The following MORN1 variants were observed in gnomAD, a reference collection of about 807,000 sequenced individuals.
MORN1 encodes MORN repeat containing 1, also known as MORN repeat-containing protein 1.
MORN1 carries 67 observed loss-of-function variants against 61.9 expected under a neutral mutation model. The ratio of observed to expected loss-of-function variants is 1.08; its 90% confidence interval spans 0.89 to 1.33. MORN1 has a LOEUF of 1.33. Among genes scored for constraint, MORN1 ranks in the 40% most tolerant of loss-of-function variants. MORN1 has a pLI of 0.00. For missense variants in MORN1, 752 were observed against 691.2 expected, an observed-to-expected ratio of 1.09 and a Z score of -0.99; for synonymous variants, 301 against 292.0, an observed-to-expected ratio of 1.03 and a Z score of -0.31.
At chr1:2,385,924 T>A (rs779205289) in intron 4 of MORN1, 27 bp from the exon 5 acceptor site, 2 of 1,601,890 alleles carry the variant, frequency 1.2e-6, no homozygotes, top group African/African-American at 2.7e-5. Flanking sequence ...GAGACAGACT[T>A]GGCTTTGTGC....
chr1:2,362,218 C>T (rs184289966), intron 8 of MORN1, among the ~76,000 whole-genome samples: 82 of 152,180 alleles, frequency 5.4e-4, no homozygotes, highest in African/African-American at 1.8e-3. Context: ...GGCGACAGAG[C>T]GAGACAACTC....
At chr1:2,366,520 C>A (rs1641999076) in intron 8 of MORN1, among the ~76,000 whole-genome samples, 1 of 151,864 alleles carries the variant, frequency 6.6e-6, no homozygotes, top group Non-Finnish European at 1.5e-5. Flanking sequence ...ATAGGCAAAT[C>A]TTTTGTTTGT....
At chr1:2,382,301 G>T (rs921288371) in intron 6 of MORN1, among the ~76,000 whole-genome samples, 1 of 152,190 alleles carries the variant, frequency 6.6e-6, no homozygotes, top group African/African-American at 2.4e-5. Flanking sequence ...GTGGCTGGGG[G>T]CCCCCAGGGC....
Position 2,372,369 on chromosome 1 carries a change from G to A in MORN1, c.745+112C>T. The A allele has an allele frequency of 2.5e-6, 2 of 807,802 alleles. No individual in the cohort carries two copies. The highest frequency in any genetic ancestry group is 3.9e-6 in the Non-Finnish European group (2 of 512,006). The allele number at this position is 807,802 out of a possible 1,614,324, so 50.0% of individuals were successfully genotyped here. On this transcript the variant is annotated intron_variant, in intron 8 of 13. Transcript: ENST00000378531. This position sits in a 1 kb window ranked among gnomAD's most constrained non-coding sequence, Gnocchi z 5.4. ...GCCAGGCTCTGGGCACGAAGTCACT[G>A]CTGTGCCTCAGGAGCCACATGCAAC...
At chr1:2,371,231 CAA>C (rs1642115193) in intron 8 of MORN1, 1 of 151,320 alleles carries the variant, frequency 6.6e-6, no homozygotes, top group Admixed American at 6.6e-5. Flanking sequence ...ACAACCACAA[CAA>C]CAACAACACC....
intron 12 of MORN1, among the ~76,000 whole-genome samples, 189 bp downstream of exon 12, chr1:2,336,280 A>G (rs2100254187): frequency 6.6e-6 from 1 of 152,306 alleles, no homozygotes; most frequent in Middle Eastern, 3.4e-3. Flanking sequence ...GGCAAGTCGC[A>G]GGGCAGCTGT....
chr1:2,354,887 C>G (rs1371833514), intron 10 of MORN1, among the ~76,000 whole-genome samples: 2 of 152,246 alleles, frequency 1.3e-5, no homozygotes, highest in African/African-American at 4.8e-5. Flanking sequence ...GTCTGTGGTT[C>G]AAGCCCCAGC....
At chr1:2,322,190 A>G (rs1347504338) in intron 13 of MORN1, 42 of 985,244 alleles carry the variant, frequency 4.3e-5, no homozygotes, top group Non-Finnish European at 5.1e-5. Context: ...CTGTCTGGAG[A>G]GCTTCAAAGT....
intron 2 of MORN1, among the ~76,000 whole-genome samples, chr1:2,388,851 C>A (rs894648861): frequency 1.3e-5 from 2 of 150,056 alleles, no homozygotes; most frequent in African/African-American, 4.9e-5. Context: ...GTGGCTCATG[C>A]CTGTAATCTC....
At chr1:2,351,950 T>C (rs1370267964) in intron 10 of MORN1, 2 of 520,002 alleles carry the variant, frequency 3.8e-6, no homozygotes, top group African/African-American at 2.0e-5. Context: ...CAATTGGGCT[T>C]CCCTCTGCTC....
intron 12 of MORN1, among the ~76,000 whole-genome samples, chr1:2,336,010 G>A (rs560726613): frequency 7.2e-5 from 11 of 152,242 alleles, no homozygotes; most frequent in African/African-American, 1.7e-4. Context: ...GAGATGTGAC[G>A]GCCACAAACC....
At chr1:2,322,287 G>C in intron 13 of MORN1, 7 of 985,406 alleles carry the variant, frequency 7.1e-6, no homozygotes, top group Non-Finnish European at 8.4e-6. Context: ...GAGCCTGCCG[G>C]GGCTGGCACC....
chr1:2,331,339 C>T (rs530417069), intron 12 of MORN1, among the ~76,000 whole-genome samples: 28 of 152,352 alleles, frequency 1.8e-4, no homozygotes, highest in South Asian at 2.1e-4. Context: ...TGGCCCTCCA[C>T]GCCTGGACTT....
chr1:2,325,187 C>T (rs1640995052), intron 12 of MORN1, among the ~76,000 whole-genome samples: 1 of 110,142 alleles, frequency 9.1e-6, no homozygotes, highest in African/African-American at 3.6e-5. Context: ...CCTTCCCTTC[C>T]TTCACTTCCT....
intron 12 of MORN1, among the ~76,000 whole-genome samples, chr1:2,324,689 C>T (rs2100218738): frequency 6.6e-6 from 1 of 152,260 alleles, no homozygotes; most frequent in South Asian, 2.1e-4. Flanking sequence ...TGGGAGGGGC[C>T]CAGGGGTCCT....
chr1:2,324,070 C>T (rs761504508), intron 13 of MORN1, 27 bp downstream of exon 13: 29 of 1,583,926 alleles, frequency 1.8e-5, no homozygotes, highest in Admixed American at 3.6e-5. Flanking sequence ...GCACAGCCGG[C>T]GATGGACTTG....
rs372238321 is a variant in MORN1 at position 2,388,256 on chromosome 1, C to T, written c.230G>A (p.Arg77Gln). 27 of 1,613,670 alleles carry T rather than the reference C, an allele frequency of 1.7e-5. No homozygotes were observed. Among genetic ancestry groups the T allele is most frequent in the Middle Eastern group, 1.6e-4 (1 of 6,082 alleles). Residue 77 changes from arginine to glutamine, a missense_variant, in exon 3 of 14, where the codon CGG (arginine) becomes CAG (glutamine). Physicochemically the swap from Arg to Gln is conservative, Grantham distance 43. Coordinates refer to ENST00000378531, the MANE Select transcript of MORN1 (RefSeq NM_024848.3). ...VDGEITGEGR[R>Q]HWAWSGDTFS... ...GAGCTCACCTGACCAGGCCCAGTGC[C>T]GGCGGCCTTCTCCCGTGATCTCTCC... is the stretch of plus-strand genomic sequence containing the variant.
At chr1:2,365,134 C>G (rs1335219846) in intron 8 of MORN1, among the ~76,000 whole-genome samples, 1 of 150,642 alleles carries the variant, frequency 6.6e-6, no homozygotes, top group Non-Finnish European at 1.5e-5. Context: ...GGCATTGAAT[C>G]TATAAATTAC....
chr1:2,366,780 C>G (rs1486253344), intron 8 of MORN1, among the ~76,000 whole-genome samples: 1 of 152,102 alleles, frequency 6.6e-6, no homozygotes, highest in Non-Finnish European at 1.5e-5. Flanking sequence ...AAGTGATGTG[C>G]TCGCCTCAGC....
Sources: gnomAD v4.1 joint callset for allele counts (sites outside exome capture counted in the v4.1 genomes callset) on GRCh38, gnomAD v4.1.1 for gene constraint, Gnocchi (gnomAD v3.1) non-coding constraint, MANE v1.5 for transcripts, NCBI Gene and HGNC (gene_info 2026-07-23, HGNC 2026-07-21) for gene names.